The following CHRDL2 variants were observed in gnomAD, a reference collection of about 807,000 sequenced individuals.
CHRDL2 encodes the protein chordin like 2.
A neutral mutation model predicts 54.3 loss-of-function variants in CHRDL2; 41 were observed. The ratio of observed to expected loss-of-function variants is 0.76; its 90% CI spans 0.59 to 0.98. The LOEUF (loss-of-function observed/expected upper bound fraction) is 0.98. Among genes scored for constraint, CHRDL2 ranks in the 50% least tolerant of loss-of-function variants. The probability of loss-of-function intolerance (pLI) is 0.00; values close to 1 mark genes in which losing one functional copy is unlikely to be tolerated. For synonymous variants in CHRDL2, 220 were observed against 224.3 expected, an observed-to-expected ratio of 0.98 and a Z score of 0.17; for missense variants, 518 against 562.4, an observed-to-expected ratio of 0.92 and a Z score of 0.80.
At chr11:74,708,976 C>T (rs753100494) in intron 4 of CHRDL2, among the ~76,000 whole-genome samples, 2 of 152,216 alleles carry the variant, frequency 1.3e-5, no homozygotes, top group African/African-American at 2.4e-5. Flanking sequence ...AGTGGGGTCA[C>T]ACCCATTTGG....
Position 74,731,178 on chromosome 11 carries a change from A to C in CHRDL2, c.-290T>G. On this transcript the variant is annotated 5_prime_UTR_variant, in exon 1 of 11. Transcript: ENST00000376332. This position sits in a 1 kb window ranked among gnomAD's most constrained non-coding sequence, Gnocchi z 4.4. ...GGGAGAGGCGATCAAAGAAAGGGGGAAGGTGAGAGGGAGAGGAGGAGAAAG... is the reference window on the plus strand; with the variant it reads ...GGGAGAGGCGATCAAAGAAAGGGGGCAGGTGAGAGGGAGAGGAGGAGAAAG... 1 of 379,356 alleles carries C rather than the reference A, an allele frequency of 2.6e-6. No homozygotes were observed. Among genetic ancestry groups the C allele is most frequent in the Non-Finnish European group, 4.8e-6 (1 of 208,460 alleles). The allele number at this position is 379,356 out of a possible 1,614,324, so 23.5% of individuals were successfully genotyped here.
intron 1 of CHRDL2, among the ~76,000 whole-genome samples, chr11:74,719,527 C>G (rs1029999554): frequency 1.1e-4 from 17 of 152,088 alleles, no homozygotes; most frequent in African/African-American, 3.9e-4. Context: ...GGGATGGGGC[C>G]TGAGGCCATG....
intron 1 of CHRDL2, chr11:74,720,138 T>C (rs1056112782): frequency 6.6e-6 from 1 of 152,452 alleles, no homozygotes. Context: ...GAACCCCTTA[T>C]AGAAGTTAAT....
At position 74,710,729 on chromosome 11, in the gene CHRDL2, G is replaced by A. The variant is rs2034160409; in HGVS notation, c.432+120C>T. 5.4e-6 allele frequency: 7 copies of A among 1,305,572 alleles called. No individual in the cohort carries two copies. The South Asian group carries it at 8.2e-5, about 15-fold the overall frequency. 80.9% of individuals were successfully genotyped at this position (1,305,572 alleles called of 1,614,324 possible). ...AAACCCCAGATATTCCCTTTCCCCT[G>A]AGCCCATTCATTTTGCTTTGGCCAG... On this transcript the variant is annotated intron_variant, in intron 4 of 10. Transcript: ENST00000376332.
Position 74,731,131 on chromosome 11 carries a change from G to A in CHRDL2, c.-243C>T. 1 of 532,768 alleles carries A rather than the reference G, an allele frequency of 1.9e-6. No homozygotes were observed. Among genetic ancestry groups the A allele is most frequent in the Non-Finnish European group, 3.3e-6 (1 of 299,130 alleles). The allele number at this position is 532,768 out of a possible 1,614,324, so 33.0% of individuals were successfully genotyped here. A position where few individuals can be genotyped will look rare whatever the true frequency, so the allele number is the denominator to read the frequency against. On this transcript the variant is annotated 5_prime_UTR_variant, in exon 1 of 11. Transcript: ENST00000376332. The surrounding 1 kb of genome is among the most constrained non-coding windows in gnomAD (Gnocchi z 4.4). ...CGGGGAAAGGAGGGAGAGATGGAGA[G>A]ACGAAGGAAGGTCCAGCAGAAGGGA...
At chr11:74,696,723 A>T (rs890639148) in intron 10 of CHRDL2, 138 bp from the exon 11 acceptor site, 11 of 662,768 alleles carry the variant, frequency 1.7e-5, no homozygotes, top group Admixed American at 2.5e-5. Context: ...GGGAGCCTGG[A>T]GGCGAGTGTG....
Position 74,703,356 on chromosome 11 carries a change from G to T in CHRDL2, c.895C>A (p.Pro299Thr). Residue 299 changes from proline to threonine, a missense_variant, in exon 8 of 11, where the codon CCC becomes ACC. Pro to Thr is a conservative substitution (Grantham distance 38). Transcript: ENST00000376332. ...GCCACTTTCTCGGGGTGACGGCAGG[G>T]GTACTCGGTGGGACAGGTCACACGC... The part of the protein sequence containing the change: ...CQRVTCPTEY[P>T]CRHPEKVAGK... 6.2e-7 allele frequency: 1 copy of T among 1,613,266 alleles called. No individual in the cohort carries two copies. The highest frequency in any genetic ancestry group is 8.5e-7 in the Non-Finnish European group (1 of 1,179,662).
chr11:74,696,626 C>T (rs2033602484), intron 10 of CHRDL2, 41 bp from the exon 11 acceptor site: 5 of 1,458,544 alleles, frequency 3.4e-6, no homozygotes, highest in South Asian at 3.4e-5. Context: ...GCGTATGTGT[C>T]TGCACGTGCA....
At chr11:74,722,734 G>C (rs893629509) in intron 1 of CHRDL2, among the ~76,000 whole-genome samples, 2 of 152,030 alleles carry the variant, frequency 1.3e-5, no homozygotes, top group African/African-American at 4.8e-5. Flanking sequence ...TCATGATTCT[G>C]GTGGCCTCCT....
At chr11:74,717,648 G>A (rs897025462) in intron 2 of CHRDL2, among the ~76,000 whole-genome samples, 58 of 152,200 alleles carry the variant, frequency 3.8e-4, no homozygotes, top group Non-Finnish European at 4.7e-4. Context: ...CACCCTCTCC[G>A]CCACCCCACA....
chr11:74,721,553 G>A (rs1206918749), intron 1 of CHRDL2, among the ~76,000 whole-genome samples: 1 of 152,232 alleles, frequency 6.6e-6, no homozygotes, highest in Admixed American at 6.5e-5. Flanking sequence ...CACAAGGAAG[G>A]GTGGCATGGC....
chr11:74,731,005 T>C lies in CHRDL2; in HGVS notation c.-117A>G. The C allele has an allele frequency of 1.2e-6, 1 of 800,782 alleles. No individual in the cohort carries two copies. Among genetic ancestry groups the C allele is most frequent in the Non-Finnish European group, 2.0e-6 (1 of 506,102 alleles). The allele number at this position is 800,782 out of a possible 1,614,324, so 49.6% of individuals were successfully genotyped here. ...CCACAGACCCCAGGAGGTCTGCTGC[T>C]AGAGCGGGGTCGGAGAAGGGCCAGG... On this transcript the variant is annotated 5_prime_UTR_variant, in exon 1 of 11. Transcript: ENST00000376332. The surrounding 1 kb of genome is among the most constrained non-coding windows in gnomAD (Gnocchi z 4.4).
At chr11:74,730,348 A>G (rs976437401) in intron 1 of CHRDL2, among the ~76,000 whole-genome samples, 1 of 152,222 alleles carries the variant, frequency 6.6e-6, no homozygotes, top group Non-Finnish European at 1.5e-5. Flanking sequence ...TAAAGTGCGA[A>G]TGATAATACC....
At chr11:74,708,150 TG>T in intron 5 of CHRDL2, 151 bp downstream of exon 5, 1 of 526,378 alleles carries the variant, frequency 1.9e-6, no homozygotes, top group South Asian at 2.8e-5. Context: ...CTCTGCTTTC[TG>T]GGGGGTGCAG....
At chr11:74,705,112 C>T (rs888220829) in intron 6 of CHRDL2, among the ~76,000 whole-genome samples, 1 of 152,180 alleles carries the variant, frequency 6.6e-6, no homozygotes, top group Non-Finnish European at 1.5e-5. Flanking sequence ...ATCAGGCAGG[C>T]CCCAGAATCC....
intron 1 of CHRDL2, 32 bp downstream of exon 1, chr11:74,730,775 C>T (rs1295109436): frequency 1.9e-6 from 3 of 1,576,998 alleles, no homozygotes; most frequent in Admixed American, 3.6e-5. Context: ...CCGCATCCCT[C>T]CTCTGCCCAC....
chr11:74,708,227 G>A lies in CHRDL2; in HGVS notation c.526+75C>T, dbSNP rs1429136597. ...CTGGGTGTCACCTGCAGTTCCTCAC[G>A]GCTCTCACAGTCCATGGCTAGGCCC... On this transcript the variant is annotated intron_variant, in intron 5 of 10. Coordinates refer to ENST00000376332, the MANE Select transcript of CHRDL2 (RefSeq NM_001278473.3). 2.4e-5 allele frequency: 25 copies of A among 1,054,922 alleles called. No individual in the cohort carries two copies. The South Asian group carries it at 2.4e-4, about 10-fold the overall frequency. The allele number at this position is 1,054,922 out of a possible 1,614,324, so 65.3% of individuals were successfully genotyped here. A position where few individuals can be genotyped will look rare whatever the true frequency, so the allele number is the denominator to read the frequency against.
In CHRDL2 at chr11:74,703,376, A is replaced by G; in HGVS notation, c.875T>C (p.Val292Ala). ...GCAGGGGTACTCGGTGGGACAGGTC[A>G]CACGCTGGCAGTCCTGGCGGCCATC... ...CEDGRQDCQRVTCPTEYPCRH... is the reference protein window; with the variant it reads ...CEDGRQDCQRATCPTEYPCRH... Residue 292 changes from valine to alanine, a missense_variant, in exon 8 of 11, where the codon GTG becomes GCG. Val to Ala is a moderately conservative substitution (Grantham distance 64). Transcript: ENST00000376332. 6.2e-7 allele frequency: 1 copy of G among 1,613,656 alleles called. No individual in the cohort carries two copies. Among genetic ancestry groups the G allele is most frequent in the Admixed American group, 1.7e-5 (1 of 60,010 alleles).
intron 1 of CHRDL2, among the ~76,000 whole-genome samples, chr11:74,727,541 A>T (rs1396756574): frequency 2.6e-5 from 4 of 152,154 alleles, no homozygotes; most frequent in Non-Finnish European, 5.9e-5. Flanking sequence ...AATAGCTGGG[A>T]CCACAGATAT....
Sources: gnomAD v4.1 joint callset for allele counts (sites outside exome capture counted in the v4.1 genomes callset) on GRCh38, gnomAD v4.1.1 for gene constraint, Gnocchi (gnomAD v3.1) non-coding constraint, MANE v1.5 for transcripts, NCBI Gene and HGNC (gene_info 2026-07-23, HGNC 2026-07-21) for gene names.